Variants in GRID1 observed in about 807,000 individuals in gnomAD.
The protein encoded by GRID1 is glutamate receptor ionotropic, delta-1.
Under a neutral mutation model 98.0 loss-of-function variants are expected in GRID1, and 28 were observed. The observed-to-expected ratio is 0.29, with a 90% CI of 0.21 to 0.39. The LOEUF is 0.39. Among genes scored for constraint, GRID1 ranks in the 10% least tolerant of loss-of-function variants. The pLI is 1.00. For synonymous variants in GRID1, 553 were observed against 538.5 expected (o/e 1.03, Z -0.37); for missense variants, 1,111 against 1,340.5 (o/e 0.83, Z 2.67).
At chr10:86,346,568 A>G (rs1848385664) in intron 2 of GRID1, among the ~76,000 whole-genome samples, 1 of 152,228 alleles carries the variant, frequency 6.6e-6, no homozygotes, top group South Asian at 2.1e-4. Flanking sequence ...TTTGCCTCAC[A>G]GTGCTAGGAC....
intron 4 of GRID1, among the ~76,000 whole-genome samples, chr10:85,955,777 CCT>C (rs1425966124): frequency 1.3e-5 from 2 of 152,124 alleles, no homozygotes; most frequent in African/African-American, 4.8e-5. Context: ...ACGCTTTGCC[CCT>C]GTCTGCCACA....
At chr10:86,305,449 A>C (rs1052131538) in intron 2 of GRID1, among the ~76,000 whole-genome samples, 3 of 152,234 alleles carry the variant, frequency 2.0e-5, no homozygotes, top group African/African-American at 7.2e-5. Flanking sequence ...AAAACCCAAA[A>C]GAAAGAGTTG....
chr10:85,859,414 C>CGGAT (rs968395133), intron 6 of GRID1, among the ~76,000 whole-genome samples: 16 of 149,898 alleles, frequency 1.1e-4, no homozygotes, highest in African/African-American at 2.0e-4. Flanking sequence ...GATGGATGGA[C>CGGAT]GGATGGATGG....
chr10:85,888,643 T>G (rs1215070851), intron 5 of GRID1, among the ~76,000 whole-genome samples: 2 of 152,250 alleles, frequency 1.3e-5, no homozygotes, highest in Non-Finnish European at 2.9e-5. Flanking sequence ...TTATAGGTGA[T>G]GGACGTGTTT....
Position 85,723,388 on chromosome 10 carries a change from C to G in GRID1, c.1859-247G>C, listed in dbSNP as rs150123813. 1.7e-3 allele frequency among the ~76,000 whole-genome samples: 257 copies of G among 152,160 alleles called. 2 individuals carry two copies. Among genetic ancestry groups the G allele is most frequent in the African/African-American group, 5.8e-3 (239 of 41,506 alleles). ...AGTTAGGACTGGGCTTCTAGTGGTG[C>G]GAAGGTTGTCAAAACACCAAGGGTT... is the stretch of plus-strand genomic sequence containing the variant. On this transcript the variant is annotated intron_variant, in intron 11 of 15. Coordinates refer to ENST00000327946, the MANE Select transcript of GRID1 (RefSeq NM_017551.3).
In GRID1 at chr10:86,117,609, TATCACCACCACCACC is replaced by T. The variant is rs201626356; in HGVS notation, c.726+21195_726+21209del. ...TCATCAACATCATTATCATCACCACTATCACCACCACCACCATCACCACCACCACCATTAACCTCA... is the reference window on the plus strand; with the variant it reads ...TCATCAACATCATTATCATCACCACTATCACCACCACCACCATTAACCTCA... On this transcript the variant is annotated intron_variant, in intron 4 of 15. Transcript: ENST00000327946. Among the ~76,000 whole-genome samples, 837 of 139,224 alleles carry T rather than the reference TATCACCACCACCACC, an allele frequency of 6.0e-3. 19 individuals carry two copies. In the East Asian group the frequency reaches 0.089, roughly 15 times the overall value. 91.3% of individuals were successfully genotyped at this position (139,224 alleles called of 152,430 possible). A position where few individuals can be genotyped will look rare whatever the true frequency, so the allele number is the denominator to read the frequency against.
chr10:86,231,511 A>G (rs1363276018), intron 2 of GRID1, among the ~76,000 whole-genome samples: 1 of 152,176 alleles, frequency 6.6e-6, no homozygotes, highest in Non-Finnish European at 1.5e-5. Context: ...AGGCAGGCCC[A>G]TGGCCCTACT....
Position 86,206,475 on chromosome 10 carries a change from C to T in GRID1, c.409G>A (p.Glu137Lys). 1 of 1,614,238 alleles carries T rather than the reference C, an allele frequency of 6.2e-7. No individual in the cohort carries two copies. Among genetic ancestry groups the T allele is most frequent in the Non-Finnish European group, 8.5e-7 (1 of 1,180,044 alleles). ...ACHLNPSPDG[E>K]AYTLASRPPV... ...GGTCTCGAAGCCAGTGTGTAGGCCTCACCATCGGGGCTGGGGTTCAGGTGG... is the reference window on the plus strand; with the variant it reads ...GGTCTCGAAGCCAGTGTGTAGGCCTTACCATCGGGGCTGGGGTTCAGGTGG... The change falls in exon 3 of 16, where the codon GAG becomes AAG. Residue 137 changes from glutamate to lysine, a missense_variant. Glu to Lys is a moderately conservative substitution (Grantham distance 56). Around this residue, in one of 3 missense-constraint regions of GRID1, gnomAD observed 346 missense variants for 452.3 expected, o/e 0.76. Coordinates refer to ENST00000327946, the MANE Select transcript of GRID1 (RefSeq NM_017551.3). This position sits in a 1 kb window ranked among gnomAD's most constrained non-coding sequence, Gnocchi z 4.1.
chr10:86,211,186 T>TGCCTAGG (rs1447038396), intron 2 of GRID1, among the ~76,000 whole-genome samples: 1 of 152,246 alleles, frequency 6.6e-6, no homozygotes, highest in East Asian at 1.9e-4. Flanking sequence ...TAGTAGCAAC[T>TGCCTAGG]CAGAAGTCAT....
chr10:85,657,356 A>C (rs1181315069), intron 12 of GRID1, among the ~76,000 whole-genome samples: 1 of 152,120 alleles, frequency 6.6e-6, no homozygotes, highest in Non-Finnish European at 1.5e-5. Flanking sequence ...CAATCACCCC[A>C]GTTTGCTTGG....
At chr10:85,895,412 A>G (rs1236096740) in intron 5 of GRID1, among the ~76,000 whole-genome samples, 1 of 152,120 alleles carries the variant, frequency 6.6e-6, no homozygotes, top group Non-Finnish European at 1.5e-5. Flanking sequence ...CCTCAGCTCA[A>G]TCAGAAGACA....
At chr10:86,342,583 C>T (rs559288562) in intron 2 of GRID1, among the ~76,000 whole-genome samples, 3 of 152,316 alleles carry the variant, frequency 2.0e-5, no homozygotes, top group Non-Finnish European at 4.4e-5. Flanking sequence ...GCTGGCCATG[C>T]CCCCAGGACG....
chr10:85,973,755 C>A (rs1842436501), intron 4 of GRID1, among the ~76,000 whole-genome samples: 1 of 151,990 alleles, frequency 6.6e-6, no homozygotes. Flanking sequence ...AGTATTTAAC[C>A]AAAAGACTAC....
chr10:86,107,380 G>T (rs1462875187), intron 4 of GRID1, among the ~76,000 whole-genome samples: 1 of 152,206 alleles, frequency 6.6e-6, no homozygotes, highest in Non-Finnish European at 1.5e-5. Context: ...TCCCTTGGCA[G>T]GTACGATGTA....
At chr10:85,674,660 G>A (rs1841124094) in intron 12 of GRID1, among the ~76,000 whole-genome samples, 1 of 151,394 alleles carries the variant, frequency 6.6e-6, no homozygotes, top group South Asian at 2.1e-4. Context: ...CATATCACCT[G>A]TTCTTTCTGT....
intron 4 of GRID1, among the ~76,000 whole-genome samples, chr10:85,994,091 G>A (rs1191482507): frequency 1.3e-5 from 2 of 152,182 alleles, no homozygotes; most frequent in African/African-American, 4.8e-5. Context: ...CATGTCCTGG[G>A]CCAGGAGCTG....
At chr10:85,690,952 C>A (rs1325099333) in intron 12 of GRID1, among the ~76,000 whole-genome samples, 1 of 152,102 alleles carries the variant, frequency 6.6e-6, no homozygotes, top group African/African-American at 2.4e-5. Context: ...TTTTACAAGG[C>A]ATTAAGGGAA....
chr10:85,631,985 G>GCGCACACA, intron 13 of GRID1, among the ~76,000 whole-genome samples: 1 of 147,842 alleles, frequency 6.8e-6, no homozygotes, highest in East Asian at 2.0e-4. Context: ...AAACACATAT[G>GCGCACACA]CACACACACA....
chr10:85,792,637 CTG>C (rs759172879), intron 8 of GRID1, among the ~76,000 whole-genome samples: 2 of 152,166 alleles, frequency 1.3e-5, no homozygotes, highest in Non-Finnish European at 2.9e-5. Context: ...GAAGTGACTG[CTG>C]CAGCTCTGTC....
Sources: gnomAD v4.1 joint callset for allele counts (sites outside exome capture counted in the v4.1 genomes callset) on GRCh38, gnomAD v4.1.1 for gene constraint, gnomAD v4.1.1 regional missense constraint, Gnocchi (gnomAD v3.1) non-coding constraint, MANE v1.5 for transcripts, NCBI Gene and HGNC (gene_info 2026-07-23, HGNC 2026-07-21) for gene names.